TSPEAR: variants seen among roughly 807,000 people sequenced by gnomAD.
The protein encoded by TSPEAR is thrombospondin type laminin G domain and EAR repeats.
Under a neutral mutation model 71.6 loss-of-function variants are expected in TSPEAR, and 69 were observed. The observed-to-expected ratio is 0.96, with a 90% CI of 0.79 to 1.18. TSPEAR has a LOEUF of 1.18. Ranked by LOEUF, TSPEAR falls within the 50% of genes most tolerant of loss-of-function variation. The pLI is 0.00. For missense variants in TSPEAR, 971 were observed against 894.9 expected (o/e 1.09, Z -1.09); for synonymous variants, 402 against 387.2 (o/e 1.04, Z -0.45).
intron 1 of TSPEAR, chr21:44,702,810 T>TC: frequency 8.6e-7 from 1 of 1,167,646 alleles, no homozygotes; most frequent in South Asian, 1.3e-5. Flanking sequence ...GACGGGCACG[T>TC]CCCCCAGGGC....
Position 44,522,214 on chromosome 21 carries a change from G to A in TSPEAR, c.1337-102C>T, listed in dbSNP as rs144318001. On this transcript the variant is annotated intron_variant, in intron 8 of 11. Coordinates refer to ENST00000323084, the MANE Select transcript of TSPEAR (RefSeq NM_144991.3). ...CAGTCCAAGTCCCTCCCCGAGGACC[G>A]AAGACCCACGAGGACAAGGCCAACC... 515 of 1,191,432 alleles carry A rather than the reference G, an allele frequency of 4.3e-4. 2 individuals are homozygous for A. In the African/African-American group the frequency reaches 6.5e-3, roughly 15 times the overall value. The allele number at this position is 1,191,432 out of a possible 1,614,324, so 73.8% of individuals were successfully genotyped here.
intron 1 of TSPEAR, among the ~76,000 whole-genome samples, chr21:44,658,765 G>A (rs1985321300): frequency 6.6e-6 from 1 of 152,072 alleles, no homozygotes; most frequent in Non-Finnish European, 1.5e-5. Context: ...AAACCACCAT[G>A]AGGAAGACAA....
At position 44,604,251 on chromosome 21, in the gene TSPEAR, T is replaced by C. The variant is rs184688539; in HGVS notation, c.83-36246A>G. 1.6e-3 allele frequency among the ~76,000 whole-genome samples: 234 copies of C among 150,842 alleles called. 1 individual carries two copies. The highest frequency in any genetic ancestry group is 6.8e-3 in the Middle Eastern group (2 of 294). The stretch of plus-strand genomic sequence containing the variant: ...CTTGTGGGCTTAAGCCATTGACATG[T>C]TGACTTCTGTTGGTTTCTGAACCAG... On this transcript the variant is annotated intron_variant, in intron 1 of 11. Coordinates refer to ENST00000323084, the MANE Select transcript of TSPEAR (RefSeq NM_144991.3).
Position 44,666,722 on chromosome 21 carries a change from G to C in TSPEAR, c.82+44711C>G, listed in dbSNP as rs201037199. The C allele has an allele frequency of 9.1e-5, 147 of 1,613,510 alleles. No individual in the cohort carries two copies. The African/African-American group carries it at 1.6e-3, about 18-fold the overall frequency. On this transcript the variant is annotated intron_variant, in intron 1 of 11. Coordinates refer to ENST00000323084, the MANE Select transcript of TSPEAR (RefSeq NM_144991.3). The stretch of plus-strand genomic sequence containing the variant: ...CAGAAGACTGGCAGCTCACGGGCAG[G>C]CACACGGCTGGCTTGAAGCTCACGG...
intron 1 of TSPEAR, among the ~76,000 whole-genome samples, chr21:44,572,456 C>T (rs938408771): frequency 2.0e-5 from 3 of 152,086 alleles, no homozygotes; most frequent in African/African-American, 4.8e-5. Flanking sequence ...AACCATTCCA[C>T]GAGGTCAAGC....
intron 1 of TSPEAR, among the ~76,000 whole-genome samples, chr21:44,683,124 G>A (rs934448170): frequency 1.3e-5 from 2 of 152,118 alleles, no homozygotes; most frequent in Middle Eastern, 3.4e-3. Flanking sequence ...AGGCCAGCCC[G>A]AACAAAGCCT....
chr21:44,567,947 C>T lies in TSPEAR; in HGVS notation c.141G>A (p.Gly47=), dbSNP rs1601424230. Reference sequence around the variant, plus strand: ...CACCGTGAACCTGAACTATCCTGATCCCGCTTGTGGCGCCATCAGAAGGGA... The same window carrying T: ...CACCGTGAACCTGAACTATCCTGATTCCGCTTGTGGCGCCATCAGAAGGGA... ...EVVPSDGATS[G]IRIVQVHGAR... The change falls in exon 2 of 12, where the codon GGG becomes GGA. Residue 47 remains glycine, a synonymous_variant. Coordinates refer to ENST00000323084, the MANE Select transcript of TSPEAR (RefSeq NM_144991.3). 1.9e-6 allele frequency: 3 copies of T among 1,586,060 alleles called. No homozygotes were observed. In the East Asian group the frequency reaches 6.8e-5, roughly 36 times the overall value.
intron 1 of TSPEAR, chr21:44,647,293 CG>C (rs782767916): frequency 6.2e-7 from 1 of 1,612,170 alleles, no homozygotes; most frequent in East Asian, 2.2e-5. Flanking sequence ...CCTCCTCTGC[CG>C]CCCCGCAAGC....
In TSPEAR at chr21:44,710,893, C is replaced by T. The variant is rs1468961220; in HGVS notation, c.82+540G>A. Among the ~76,000 whole-genome samples, 1 of 152,220 alleles carries T rather than the reference C, an allele frequency of 6.6e-6. No individual in the cohort carries two copies. The highest frequency in any genetic ancestry group is 2.1e-4 in the South Asian group (1 of 4,828). ...AGGGCTCTCCACTCAGACCAGATTA[C>T]GCCCCAAAGAACCGAGCCCTTCACT... On this transcript the variant is annotated intron_variant, in intron 1 of 11. Transcript: ENST00000323084. This position sits in a 1 kb window ranked among gnomAD's most constrained non-coding sequence, Gnocchi z 4.6.
chr21:44,627,709 C>T (rs1982939818), intron 1 of TSPEAR: 2 of 1,598,682 alleles, frequency 1.3e-6, no homozygotes, highest in South Asian at 1.1e-5. Flanking sequence ...CCCCTGCCAG[C>T]AGTCCTACTG....
At position 44,702,615 on chromosome 21, in the gene TSPEAR, G is replaced by A. The variant is rs567672361; in HGVS notation, c.82+8818C>T. 2.4e-5 allele frequency: 39 copies of A among 1,604,170 alleles called. No individual in the cohort carries two copies. In the African/African-American group the frequency reaches 3.5e-4, roughly 14 times the overall value. On this transcript the variant is annotated intron_variant, in intron 1 of 11. Coordinates refer to ENST00000323084, the MANE Select transcript of TSPEAR (RefSeq NM_144991.3). ...CCTGCTGCAGACCCTCCTCCTCTGT[G>A]TCCCTCCTCTGCCACCCTGTGTGCA... is the stretch of plus-strand genomic sequence containing the variant.
chr21:44,531,235 T>C lies in TSPEAR; in HGVS notation c.543-102A>G, dbSNP rs2838583. 0.023 allele frequency: 20,560 copies of C among 881,140 alleles called. 2,670 individuals are homozygous for C. In the African/African-American group the frequency reaches 0.29, roughly 12 times the overall value. The allele number at this position is 881,140 out of a possible 1,614,324, so 54.6% of individuals were successfully genotyped here. ...AGCCCCTCACTAAGCAGCGTGCATCTGTGCTGTGGCTGCCACACAAAGGAT... is the reference window on the plus strand; with the variant it reads ...AGCCCCTCACTAAGCAGCGTGCATCCGTGCTGTGGCTGCCACACAAAGGAT... On this transcript the variant is annotated intron_variant, in intron 3 of 11. Transcript: ENST00000323084.
Position 44,612,765 on chromosome 21 carries a change from GT to G in TSPEAR, c.83-44761del, listed in dbSNP as rs1175807878. Reference sequence around the variant, plus strand: ...CGCCCTGTGTGCCGGCCTGCCTGCTGTGTGCCTGTCCCCTCCTGTTGTGTCC... The same window carrying G: ...CGCCCTGTGTGCCGGCCTGCCTGCTGGTGCCTGTCCCCTCCTGTTGTGTCC... On this transcript the variant is annotated intron_variant, in intron 1 of 11. Transcript: ENST00000323084. The surrounding 1 kb of genome is among the most constrained non-coding windows in gnomAD (Gnocchi z 4.1). 1 of 1,613,720 alleles carries G rather than the reference GT, an allele frequency of 6.2e-7. No individual in the cohort carries two copies. Among genetic ancestry groups the G allele is most frequent in the Admixed American group, 1.7e-5 (1 of 60,004 alleles).
At chr21:44,550,927 A>G (rs2053411181) in intron 2 of TSPEAR, 1 of 1,472,598 alleles carries the variant, frequency 6.8e-7, no homozygotes, top group Non-Finnish European at 9.2e-7. Context: ...GACTGCTGAC[A>G]CGGGGAGGAG....
Position 44,592,542 on chromosome 21 carries a change from G to A in TSPEAR, c.83-24537C>T, listed in dbSNP as rs370234368. 46 of 1,554,004 alleles carry A rather than the reference G, an allele frequency of 3.0e-5. No homozygotes were observed. The East Asian group carries it at 6.8e-4, about 23-fold the overall frequency. ...GAGCCTGTGAGGTGCTGAGGCTCTC[G>A]GGCTTTTATTCCACCTGGCCTTGTT... is the stretch of plus-strand genomic sequence containing the variant. On this transcript the variant is annotated intron_variant, in intron 1 of 11. Coordinates refer to ENST00000323084, the MANE Select transcript of TSPEAR (RefSeq NM_144991.3).
intron 2 of TSPEAR, among the ~76,000 whole-genome samples, chr21:44,562,763 AACAAAG>A: frequency 6.6e-6 from 1 of 152,192 alleles, no homozygotes; most frequent in Admixed American, 6.5e-5. Flanking sequence ...TTCTATATCC[AACAAAG>A]TTGTCTTTCA....
At chr21:44,543,041 GGAA>G (rs1435025047) in intron 2 of TSPEAR, among the ~76,000 whole-genome samples, 2 of 151,954 alleles carry the variant, frequency 1.3e-5, no homozygotes, top group African/African-American at 4.8e-5. Context: ...TCTATACCTG[GGAA>G]GAAGATTCCC....
intron 1 of TSPEAR, chr21:44,601,917 C>T (rs782704148): frequency 1.2e-5 from 11 of 912,226 alleles, no homozygotes; most frequent in Non-Finnish European, 1.8e-5. Flanking sequence ...CAAGTCTTGA[C>T]TTTCCCCCAA....
At chr21:44,580,100 GGCTGGCAGCTAGAAT>G (rs1978821927) in intron 1 of TSPEAR, 1 of 1,613,726 alleles carries the variant, frequency 6.2e-7, no homozygotes, top group South Asian at 1.1e-5. Flanking sequence ...GCAGCAAGTC[GGCTGGCAGCTAGAAT>G]GCTGGCAGCA....
Sources: gnomAD v4.1 joint callset for allele counts (sites outside exome capture counted in the v4.1 genomes callset) on GRCh38, gnomAD v4.1.1 for gene constraint, Gnocchi (gnomAD v3.1) non-coding constraint, MANE v1.5 for transcripts, NCBI Gene and HGNC (gene_info 2026-07-23, HGNC 2026-07-21) for gene names.